Variants in RHOBTB1 observed in about 807,000 individuals in gnomAD.
The protein encoded by RHOBTB1 is rho-related BTB domain-containing protein 1.
RHOBTB1 carries 40 observed loss-of-function variants against 71.6 expected under a neutral mutation model. That is an observed-to-expected ratio of 0.56 (90% CI 0.43 to 0.73). The LOEUF is 0.73. RHOBTB1 is among the 30% of genes least tolerant of loss of function. The pLI is 0.00. For synonymous variants in RHOBTB1, 319 were observed against 334.9 expected, an observed-to-expected ratio of 0.95 and a Z score of 0.52; for missense variants, 797 against 894.0, an observed-to-expected ratio of 0.89 and a Z score of 1.38.
chr10:60,880,281 G>T (rs1047705626), intron 7 of RHOBTB1, among the ~76,000 whole-genome samples: 1 of 151,602 alleles, frequency 6.6e-6, no homozygotes, highest in Non-Finnish European at 1.5e-5. Context: ...GAGAGAGAGA[G>T]AGTGTATGTA....
chr10:60,903,290 T>C (rs2082497232), intron 4 of RHOBTB1, among the ~76,000 whole-genome samples: 1 of 152,154 alleles, frequency 6.6e-6, no homozygotes, highest in Non-Finnish European at 1.5e-5. Context: ...TTGTTATGTC[T>C]GGACCAAGAC....
intron 2 of RHOBTB1, among the ~76,000 whole-genome samples, chr10:60,954,289 T>G (rs2085512238): frequency 6.6e-6 from 1 of 152,212 alleles, no homozygotes. Context: ...AAAGAGTTTA[T>G]GACAGACCAG....
At chr10:60,931,193 G>C (rs1033482848) in intron 2 of RHOBTB1, among the ~76,000 whole-genome samples, 2 of 152,028 alleles carry the variant, frequency 1.3e-5, no homozygotes, top group Admixed American at 6.6e-5. Context: ...TAAAATCCAC[G>C]TGCTACACAT....
intron 2 of RHOBTB1, among the ~76,000 whole-genome samples, chr10:60,953,879 A>G (rs1448453340): frequency 6.6e-6 from 1 of 152,192 alleles, no homozygotes; most frequent in East Asian, 1.9e-4. Flanking sequence ...TTCTTACTAC[A>G]CATTAATGAG....
In RHOBTB1 at chr10:60,930,173, T is replaced by C. The variant is rs549120660; in HGVS notation, c.-11+11631A>G. ...AAAGCAAATATATTTACCACATCTT[T>C]AAGAAAAAAAATGAAAACAACCTAT... On this transcript the variant is annotated intron_variant, in intron 2 of 10. Coordinates refer to ENST00000337910, the MANE Select transcript of RHOBTB1 (RefSeq NM_014836.5). Among the ~76,000 whole-genome samples the C allele has an allele frequency of 5.6e-4, 85 of 152,254 alleles. 2 individuals carry two copies. In the South Asian group the frequency reaches 7.7e-3, roughly 14 times the overall value.
At chr10:60,995,022 C>T (rs984046238) in intron 1 of RHOBTB1, among the ~76,000 whole-genome samples, 1 of 151,760 alleles carries the variant, frequency 6.6e-6, no homozygotes, top group Non-Finnish European at 1.5e-5. Flanking sequence ...TACTCCATGG[C>T]TTGGAAAATG....
chr10:60,971,685 T>C (rs1031118953), intron 2 of RHOBTB1, among the ~76,000 whole-genome samples: 1 of 152,050 alleles, frequency 6.6e-6, no homozygotes, highest in African/African-American at 2.4e-5. Context: ...AAAAGCCAAA[T>C]TGACAAAAGG....
the RHOBTB1 span, among the ~76,000 whole-genome samples, chr10:60,863,271 G>C: frequency 6.6e-6 from 1 of 152,096 alleles, no homozygotes; most frequent in Admixed American, 6.5e-5. Flanking sequence ...TATTTGGGGG[G>C]AGTACAAATA....
chr10:60,899,280 A>T (rs1028555252), intron 4 of RHOBTB1, among the ~76,000 whole-genome samples: 10 of 152,340 alleles, frequency 6.6e-5, no homozygotes, highest in African/African-American at 2.4e-4. Context: ...GAAGTAAAGA[A>T]GGCTTGCTAA....
intron 1 of RHOBTB1, among the ~76,000 whole-genome samples, chr10:60,943,298 T>C (rs1052690821): frequency 6.6e-6 from 1 of 152,218 alleles, no homozygotes; most frequent in Non-Finnish European, 1.5e-5. Context: ...GATCTAATGA[T>C]ATATTTCTAC....
chr10:60,996,777 C>A (rs2087066346), intron 1 of RHOBTB1, among the ~76,000 whole-genome samples: 1 of 152,126 alleles, frequency 6.6e-6, no homozygotes, highest in South Asian at 2.1e-4. Context: ...ACGGGAGACA[C>A]AATTTTACTA....
intron 1 of RHOBTB1, among the ~76,000 whole-genome samples, chr10:60,943,588 C>T (rs1453335089): frequency 2.6e-5 from 4 of 152,224 alleles, no homozygotes; most frequent in African/African-American, 9.6e-5. Context: ...CCGGGTCCTC[C>T]GGTCCCCGCC....
intron 4 of RHOBTB1, 55 bp from the exon 5 acceptor site, chr10:60,893,050 T>C: frequency 1.4e-6 from 2 of 1,390,288 alleles, no homozygotes; most frequent in East Asian, 2.3e-5. Context: ...TTTTTTCTTT[T>C]ACCATTATGG....
chr10:60,911,601 A>G, intron 2 of RHOBTB1, 49 bp from the exon 3 acceptor site: 1 of 1,479,062 alleles, frequency 6.8e-7, no homozygotes. Flanking sequence ...GGCTTTCCAG[A>G]GCAATCAAAG....
chr10:60,869,459 T>G lies in RHOBTB1; in HGVS notation c.*2023A>C, dbSNP rs1219888350. 1 of 152,684 alleles carries G rather than the reference T, an allele frequency of 6.5e-6. No individual in the cohort carries two copies. Among genetic ancestry groups the G allele is most frequent in the African/African-American group, 2.4e-5 (1 of 41,482 alleles). The allele number at this position is 152,684 out of a possible 1,614,324, so 9.5% of individuals were successfully genotyped here. ...GGCATTTTATAGCTAAACAATTTTA[T>G]TGGCTTTTTGTGAAATAAAAAACAC... On this transcript the variant is annotated 3_prime_UTR_variant, in exon 11 of 11. Coordinates refer to ENST00000337910, the MANE Select transcript of RHOBTB1 (RefSeq NM_014836.5).
At chr10:60,983,459 T>A (rs1291507230) in intron 2 of RHOBTB1, among the ~76,000 whole-genome samples, 2 of 152,222 alleles carry the variant, frequency 1.3e-5, no homozygotes, top group Non-Finnish European at 2.9e-5. Context: ...TATTGTCCAA[T>A]ATTGTTCTAT....
intron 2 of RHOBTB1, among the ~76,000 whole-genome samples, chr10:60,925,719 A>G (rs2083837672): frequency 6.6e-6 from 1 of 152,202 alleles, no homozygotes; most frequent in Non-Finnish European, 1.5e-5. Flanking sequence ...CACATATAAA[A>G]AAGAGATGTT....
intron 4 of RHOBTB1, among the ~76,000 whole-genome samples, chr10:60,899,002 G>A (rs1238973889): frequency 1.3e-5 from 2 of 152,170 alleles, no homozygotes; most frequent in African/African-American, 2.4e-5. Flanking sequence ...GAAATGGTTG[G>A]TTCTACCATC....
intron 2 of RHOBTB1, among the ~76,000 whole-genome samples, chr10:60,968,094 G>GT (rs1443962637): frequency 6.6e-6 from 1 of 152,028 alleles, no homozygotes; most frequent in Non-Finnish European, 1.5e-5. Context: ...CCTTCCTCTT[G>GT]TTTTCTTCAG....
Sources: gnomAD v4.1 joint callset for allele counts (sites outside exome capture counted in the v4.1 genomes callset) on GRCh38, gnomAD v4.1.1 for gene constraint, MANE v1.5 for transcripts, NCBI Gene and HGNC (gene_info 2026-07-23, HGNC 2026-07-21) for gene names.